The following CIZ1 variants were observed in gnomAD, a reference collection of about 807,000 sequenced individuals.
The protein encoded by CIZ1 is cip1-interacting zinc finger protein.
CIZ1 carries 58 observed loss-of-function variants against 118.6 expected under a neutral mutation model. The ratio of observed to expected loss-of-function variants is 0.49; its 90% CI spans 0.40 to 0.61. CIZ1 has a LOEUF of 0.61. Among genes scored for constraint, CIZ1 ranks in the 20% least tolerant of loss-of-function variants. The pLI, the probability that CIZ1 is intolerant of heterozygous loss-of-function variation, is 0.00. For missense variants in CIZ1, 921 were observed against 1,115.9 expected (o/e 0.83, Z 2.49); for synonymous variants, 448 against 443.4 (o/e 1.01, Z -0.13).
At position 128,166,185 on chromosome 9, in the gene CIZ1, G is replaced by GA; in HGVS notation, c.*11dup. ...TGGACCCAGGCAGGCCAGGGACAGG[G>GA]AGGTCCCTCTATCAGGTTTTGAGGC... is the stretch of plus-strand genomic sequence containing the variant. On this transcript the variant is annotated 3_prime_UTR_variant, in exon 17 of 17. Transcript: ENST00000372938. This position sits in a 1 kb window ranked among gnomAD's most constrained non-coding sequence, Gnocchi z 4.4. 6.8e-7 allele frequency: 1 copy of GA among 1,462,772 alleles called. No individual in the cohort carries two copies. Among genetic ancestry groups the GA allele is most frequent in the Non-Finnish European group, 9.1e-7 (1 of 1,099,502 alleles). The allele number at this position is 1,462,772 out of a possible 1,614,324, so 90.6% of individuals were successfully genotyped here.
At position 128,180,768 on chromosome 9, in the gene CIZ1, G is replaced by T. The variant is rs960228254; in HGVS notation, c.635C>A (p.Pro212Gln). The T allele has an allele frequency of 5.6e-6, 9 of 1,611,080 alleles. No homozygotes were observed. In the South Asian group the frequency reaches 8.8e-5, roughly 16 times the overall value. ...TMPVEDKSDP[P>Q]EGSEEAAEPR... is the part of the protein sequence containing the mutation. ...CTCTGCGGCTTCCTCAGACCCCTCT[G>T]GGGGGTCTGACTTGTCTTCCACAGG... Residue 212 changes from proline (P) to glutamine (Q), a missense_variant, in exon 6 of 17, where the codon CCA becomes CAA. Pro to Gln is a moderately conservative substitution (Grantham distance 76). Coordinates refer to ENST00000372938, the MANE Select transcript of CIZ1 (RefSeq NM_001131016.2).
intron 4 of CIZ1, 141 bp from the exon 5 acceptor site, chr9:128,185,917 G>A: frequency 1.5e-6 from 1 of 686,850 alleles, no homozygotes; most frequent in South Asian, 1.6e-5. Flanking sequence ...CAGCCAAAGG[G>A]AAGAGATGAG....
intron 4 of CIZ1, among the ~76,000 whole-genome samples, chr9:128,186,330 G>A (rs1323687383): frequency 1.3e-5 from 2 of 152,070 alleles, no homozygotes; most frequent in Non-Finnish European, 2.9e-5. Context: ...GAGGGACACT[G>A]CCATCCACCT....
At position 128,186,331 on chromosome 9, in the gene CIZ1, C is replaced by A. The variant is rs576024647; in HGVS notation, c.359-555G>T. ...CCCAGGGTCGCTACGAGGGACACTG[C>A]CATCCACCTACCGCCCCAGCCAGGA... is the stretch of plus-strand genomic sequence containing the variant. On this transcript the variant is annotated intron_variant, in intron 4 of 16. Transcript: ENST00000372938. 3.4e-3 allele frequency among the ~76,000 whole-genome samples: 524 copies of A among 152,184 alleles called. 2 individuals are homozygous for A. The highest frequency in any genetic ancestry group is 6.3e-3 in the Non-Finnish European group (426 of 67,982).
chr9:128,169,800 G>A, intron 12 of CIZ1: 4 of 1,280,956 alleles, frequency 3.1e-6, no homozygotes, highest in Non-Finnish European at 4.4e-6. Flanking sequence ...TGAGCCCCGT[G>A]GCTGAATGGC....
At chr9:128,192,366 CAAAAA>C (rs57931082), upstream of CIZ1, among the ~76,000 whole-genome samples, 1 of 139,500 alleles carries the variant, frequency 7.2e-6, no homozygotes, top group African/African-American at 2.7e-5. Flanking sequence ...CAAGAGCTGT[CAAAAA>C]AAAAAAAGTA....
chr9:128,171,295 G>A (rs553028934), intron 11 of CIZ1, among the ~76,000 whole-genome samples: 1 of 151,308 alleles, frequency 6.6e-6, no homozygotes, highest in South Asian at 2.1e-4. Context: ...CAGGCATGGT[G>A]GTGTGCACCT....
intron 10 of CIZ1, 35 bp from the exon 11 acceptor site, chr9:128,176,510 CGT>C (rs983283111): frequency 6.2e-7 from 1 of 1,603,908 alleles, no homozygotes; most frequent in African/African-American, 1.3e-5. Flanking sequence ...GGGCCTGGGG[CGT>C]GAGCCCAGAA....
chr9:128,192,959 A>G (rs7853212), upstream of CIZ1, among the ~76,000 whole-genome samples: 64,851 of 152,150 alleles, frequency 0.43, 14,729 homozygotes, highest in African/African-American at 0.6. Flanking sequence ...GCGCGGGGGC[A>G]CTGGCGGCGC....
rs958999483 is a variant in CIZ1, at chr9:128,188,660, G to T, written c.287-726C>A. On this transcript the variant is annotated intron_variant, in intron 3 of 16. Transcript: ENST00000372938. The stretch of plus-strand genomic sequence containing the variant: ...TTTTTTTTTCTTTTTTTGAGAAAGG[G>T]TCTCGCTCTGTCACCTAGGCTGGAA... Among the ~76,000 whole-genome samples, 4 of 151,660 alleles carry T rather than the reference G, an allele frequency of 2.6e-5. No individual in the cohort carries two copies. The East Asian group carries it at 7.7e-4, about 29-fold the overall frequency.
At chr9:128,198,712 G>A (rs45473697) in intron 1 of CIZ1, among the ~76,000 whole-genome samples, 10,412 of 152,002 alleles carry the variant, frequency 0.068, 755 homozygotes, top group East Asian at 0.43. Flanking sequence ...AGTGCCTGTC[G>A]TTCCAGCTAC....
Position 128,179,103 on chromosome 9 carries a change from C to T in CIZ1, c.1104G>A (p.Glu368=). Residue 368 remains glutamate (E), a synonymous_variant, in exon 8 of 17, where the codon GAG becomes GAA. Transcript: ENST00000372938. ...QKQVQPQLQQ[E]AEPQKQVQPQ... is the part of the protein sequence containing the mutation. ...GCTGCACCTGCTTCTGTGGCTCTGC[C>T]TCCTGCTGCAGCTGTGGCTGCACCT... is the stretch of plus-strand genomic sequence containing the variant. 1 of 1,614,004 alleles carries T rather than the reference C, an allele frequency of 6.2e-7. No homozygotes were observed. Among genetic ancestry groups the T allele is most frequent in the Non-Finnish European group, 8.5e-7 (1 of 1,179,886 alleles).
chr9:128,185,876 G>A, intron 4 of CIZ1, 100 bp from the exon 5 acceptor site: 1 of 843,304 alleles, frequency 1.2e-6, no homozygotes, highest in East Asian at 2.6e-5. Context: ...GAACATCCCA[G>A]ATAATTGAAA....
Position 128,166,297 on chromosome 9 carries a change from G to A in CIZ1, c.2597C>T (p.Pro866Leu). 7.1e-7 allele frequency: 1 copy of A among 1,404,718 alleles called. No homozygotes were observed. The highest frequency in any genetic ancestry group is 9.9e-7 in the Non-Finnish European group (1 of 1,014,578). The allele number at this position is 1,404,718 out of a possible 1,614,324, so 87.0% of individuals were successfully genotyped here. ...GTCCTGGGTGTTGGGCTGGGAGGGTGGGCGGCCGCTGGAGGTGAACAGGGC... is the reference window on the plus strand; with the variant it reads ...GTCCTGGGTGTTGGGCTGGGAGGGTAGGCGGCCGCTGGAGGTGAACAGGGC... Reference protein sequence around the residue: ...LTALFTSSGRPPSQPNTQDKT... With the variant: ...LTALFTSSGRLPSQPNTQDKT... Residue 866 changes from proline to leucine, a missense_variant, in exon 17 of 17, where the codon CCA becomes CTA. By Grantham distance (98) the Pro-to-Leu change is moderately conservative. Transcript: ENST00000372938. The surrounding 1 kb of genome is among the most constrained non-coding windows in gnomAD (Gnocchi z 4.4).
At chr9:128,171,571 C>CAAA (rs11327796) in intron 11 of CIZ1, among the ~76,000 whole-genome samples, 1 of 111,950 alleles carries the variant, frequency 8.9e-6, no homozygotes, top group East Asian at 2.7e-4. Flanking sequence ...ACTAAGAATA[C>CAAA]AAAAAAAAAA....
At chr9:128,172,231 G>A (rs1017397818) in intron 11 of CIZ1, among the ~76,000 whole-genome samples, 2 of 150,610 alleles carry the variant, frequency 1.3e-5, no homozygotes, top group Non-Finnish European at 1.5e-5. Context: ...GGTGGCTCAC[G>A]CCTGTAATCC....
intron 3 of CIZ1, among the ~76,000 whole-genome samples, chr9:128,188,831 G>A (rs531977905): frequency 4.4e-4 from 66 of 150,526 alleles, no homozygotes; most frequent in African/African-American, 1.5e-3. Context: ...ACAGGGTCTC[G>A]CTCTGTTGCT....
At chr9:128,190,218 C>A in intron 3 of CIZ1, 111 bp downstream of exon 3, 1 of 746,824 alleles carries the variant, frequency 1.3e-6, no homozygotes, top group South Asian at 1.6e-5. Flanking sequence ...AACTAGGATG[C>A]CAAGAATAGC....
chr9:128,171,759 T>A (rs996179667), intron 11 of CIZ1, among the ~76,000 whole-genome samples: 3 of 151,526 alleles, frequency 2.0e-5, no homozygotes, highest in Non-Finnish European at 2.9e-5. Flanking sequence ...AATAAATAAA[T>A]AAAATAATAC....
Sources: gnomAD v4.1 joint callset for allele counts (sites outside exome capture counted in the v4.1 genomes callset) on GRCh38, gnomAD v4.1.1 for gene constraint, Gnocchi (gnomAD v3.1) non-coding constraint, MANE v1.5 for transcripts, NCBI Gene and HGNC (gene_info 2026-07-23, HGNC 2026-07-21) for gene names.